PHLDB2: variants seen among roughly 807,000 people sequenced by gnomAD.
PHLDB2 encodes pleckstrin homology-like domain family B member 2.
Under a neutral mutation model 123.6 loss-of-function variants are expected in PHLDB2, and 71 were observed. That is an observed-to-expected ratio of 0.57 (90% CI 0.47 to 0.70). PHLDB2 has a LOEUF of 0.70. Ranked by LOEUF, PHLDB2 falls within the 30% of genes least tolerant of loss-of-function variation. PHLDB2 has a pLI of 0.00. For missense variants in PHLDB2, 1,446 were observed against 1,519.5 expected (o/e 0.95, Z 0.80); for synonymous variants, 547 against 541.6 (o/e 1.01, Z -0.14).
chr3:111,926,794 A>C (rs570473839), intron 5 of PHLDB2, among the ~76,000 whole-genome samples: 1 of 152,224 alleles, frequency 6.6e-6, no homozygotes, highest in Non-Finnish European at 1.5e-5. Context: ...TCATGGGGAA[A>C]AAAAGTAATT....
intron 1 of PHLDB2, among the ~76,000 whole-genome samples, chr3:111,738,456 T>C (rs2059546460): frequency 6.6e-6 from 1 of 152,214 alleles, no homozygotes; most frequent in Non-Finnish European, 1.5e-5. Flanking sequence ...ATTGATGGGT[T>C]ATCCACTCAG....
At chr3:111,767,176 A>G (rs1376424736) in intron 1 of PHLDB2, among the ~76,000 whole-genome samples, 1 of 152,000 alleles carries the variant, frequency 6.6e-6, no homozygotes, top group African/African-American at 2.4e-5. Context: ...GTTCAGATGG[A>G]GGGTAGTCTG....
chr3:111,799,994 T>C (rs1041345746), intron 1 of PHLDB2, among the ~76,000 whole-genome samples: 1 of 152,198 alleles, frequency 6.6e-6, no homozygotes, highest in South Asian at 2.1e-4. Context: ...AAAGCATTTC[T>C]AGGAGGATAC....
chr3:111,778,271 A>AT (rs2060303035), intron 1 of PHLDB2: 1 of 152,046 alleles, frequency 6.6e-6, no homozygotes, highest in Admixed American at 6.6e-5. Flanking sequence ...ATCATAGGGA[A>AT]ATGTGGACAC....
Position 111,920,390 on chromosome 3 carries a change from G to A in PHLDB2, c.1972G>A (p.Glu658Lys). Reference sequence around the variant, plus strand: ...TCTAAACCGGAAAATAGCTGAACTGGAAAAGAACATTGTTGGTGAAAAGAC... The same window carrying A: ...TCTAAACCGGAAAATAGCTGAACTGAAAAAGAACATTGTTGGTGAAAAGAC... ...DHLNRKIAEL[E>K]KNIVGEKTKE... Residue 658 changes from glutamate (E) to lysine (K), a missense_variant, in exon 5 of 18, where the codon GAA (glutamate) becomes AAA (lysine). Physicochemically the swap from Glu to Lys is moderately conservative, Grantham distance 56 (BLOSUM62 1). Around this residue, in one of 3 missense-constraint regions of PHLDB2, gnomAD observed 832 missense variants for 831.9 expected, o/e 1.00. Transcript: ENST00000431670. 1 of 1,613,762 alleles carries A rather than the reference G, an allele frequency of 6.2e-7. No individual in the cohort carries two copies. Among genetic ancestry groups the A allele is most frequent in the South Asian group, 1.1e-5 (1 of 90,972 alleles).
At chr3:111,886,266 G>A (rs979863452) in intron 2 of PHLDB2, among the ~76,000 whole-genome samples, 2 of 152,104 alleles carry the variant, frequency 1.3e-5, no homozygotes, top group African/African-American at 2.4e-5. Context: ...TGTTTTAGTC[G>A]CTAAAATATT....
chr3:111,913,270 T>G (rs773111216), intron 2 of PHLDB2, 49 bp from the exon 3 acceptor site: 15 of 1,526,274 alleles, frequency 9.8e-6, no homozygotes, highest in Middle Eastern at 1.8e-4. Flanking sequence ...TTTGGAGTAG[T>G]ATTCATTCTC....
intron 1 of PHLDB2, among the ~76,000 whole-genome samples, chr3:111,875,259 C>G (rs189212154): frequency 3.3e-4 from 50 of 152,110 alleles, no homozygotes; most frequent in Non-Finnish European, 6.2e-4. Flanking sequence ...GGTGATTCTC[C>G]TGCCTCAGCC....
intron 2 of PHLDB2, among the ~76,000 whole-genome samples, chr3:111,848,912 C>A (rs1029169844): frequency 1.3e-5 from 2 of 152,172 alleles, no homozygotes; most frequent in Non-Finnish European, 1.5e-5. Flanking sequence ...ATGGTTATGC[C>A]ATATAGACTG....
chr3:111,835,405 C>T (rs933217322), intron 1 of PHLDB2, among the ~76,000 whole-genome samples: 3 of 152,092 alleles, frequency 2.0e-5, no homozygotes, highest in Non-Finnish European at 2.9e-5. Flanking sequence ...AAATGTGAAA[C>T]GGATGGCACA....
chr3:111,870,598 AC>A (rs1174154139), intron 1 of PHLDB2, among the ~76,000 whole-genome samples: 1 of 152,038 alleles, frequency 6.6e-6, no homozygotes, highest in Non-Finnish European at 1.5e-5. Context: ...ATTGTTGTCC[AC>A]TATAAAGCTT....
At chr3:111,934,078 T>C (rs1241300571) in intron 6 of PHLDB2, among the ~76,000 whole-genome samples, 1 of 152,210 alleles carries the variant, frequency 6.6e-6, no homozygotes, top group East Asian at 1.9e-4. Context: ...GGAAAGGAAA[T>C]GATGCAGACA....
At chr3:111,950,127 T>TAC (rs1202707828) in intron 10 of PHLDB2, among the ~76,000 whole-genome samples, 1 of 152,216 alleles carries the variant, frequency 6.6e-6, no homozygotes, top group Non-Finnish European at 1.5e-5. Context: ...GCACTTTTTA[T>TAC]ACCCTCATCC....
At chr3:111,873,483 A>G (rs74597710) in intron 1 of PHLDB2, among the ~76,000 whole-genome samples, 34 of 152,354 alleles carry the variant, frequency 2.2e-4, no homozygotes, top group African/African-American at 8.2e-4. Flanking sequence ...CTAAAAAATA[A>G]CATCAGTGTC....
rs1455068262 is a variant in PHLDB2 at position 111,932,340 on chromosome 3, C to T, written c.2073C>T (p.Thr691=). 1 of 1,551,578 alleles carries T rather than the reference C, an allele frequency of 6.4e-7. No individual in the cohort carries two copies. Among genetic ancestry groups the T allele is most frequent in the Admixed American group, 2.0e-5 (1 of 50,964 alleles). ...AGGAGCTTTACTCCGAGCAGAAGACCCAGCTGGACAATTGTCCTGAGTCCA... is the reference window on the plus strand; with the variant it reads ...AGGAGCTTTACTCCGAGCAGAAGACTCAGCTGGACAATTGTCCTGAGTCCA... ...RLQELYSEQK[T]QLDNCPESMR... is the part of the protein sequence containing the mutation. Residue 691 remains threonine (T), a synonymous_variant, in exon 6 of 18, where the codon ACC becomes ACT. Transcript: ENST00000431670.
chr3:111,866,533 A>G (rs187783449), intron 1 of PHLDB2, among the ~76,000 whole-genome samples: 1 of 152,178 alleles, frequency 6.6e-6, no homozygotes, highest in Admixed American at 6.5e-5. Flanking sequence ...GTGTCTTTTG[A>G]TCAGTAGTGT....
chr3:111,893,433 G>A (rs939591635), intron 2 of PHLDB2, among the ~76,000 whole-genome samples: 5 of 152,156 alleles, frequency 3.3e-5, no homozygotes, highest in Non-Finnish European at 7.4e-5. Context: ...TGGTGTGAGA[G>A]GTTTGTTTAC....
chr3:111,967,013 T>C (rs2071823149), intron 14 of PHLDB2, among the ~76,000 whole-genome samples: 1 of 152,102 alleles, frequency 6.6e-6, no homozygotes, highest in Non-Finnish European at 1.5e-5. Flanking sequence ...TTGATGGCTG[T>C]TTTGTGTTCC....
At chr3:111,911,551 C>A in intron 2 of PHLDB2, 1 of 1,409,502 alleles carries the variant, frequency 7.1e-7, no homozygotes, top group Non-Finnish European at 9.7e-7. Flanking sequence ...CTGAGGTGGG[C>A]AGGGCTTGGC....
Sources: allele counts gnomAD v4.1 joint callset (sites outside exome capture counted in the v4.1 genomes callset), GRCh38; gene constraint gnomAD v4.1.1; regional missense constraint gnomAD v4.1.1; transcripts MANE v1.5; gene names NCBI Gene and HGNC (gene_info 2026-07-23, HGNC 2026-07-21).